Variants in NAMPT observed in about 807,000 individuals in gnomAD.
NAMPT encodes NAmPRTase.
A neutral mutation model predicts 58.7 loss-of-function variants in NAMPT; 7 were observed. That is an observed-to-expected ratio of 0.12 (90% CI 0.07 to 0.22). The LOEUF (loss-of-function observed/expected upper bound fraction) is 0.22, where lower values mean the gene tolerates loss of function less well. NAMPT is among the 10% of genes least tolerant of loss of function. The pLI is 1.00. For missense variants in NAMPT, 271 were observed against 567.9 expected, an observed-to-expected ratio of 0.48 and a Z score of 5.31; for synonymous variants, 145 against 198.1, an observed-to-expected ratio of 0.73 and a Z score of 2.25.
intron 5 of NAMPT, 80 bp downstream of exon 5, chr7:106,269,074 A>G (rs988338398): frequency 1.1e-5 from 15 of 1,343,896 alleles, no homozygotes; most frequent in Admixed American, 9.1e-5. Flanking sequence ...ATCAATCTCA[A>G]TAACGTCCCC....
upstream of NAMPT, chr7:106,285,024 AG>A: frequency 4.4e-6 from 6 of 1,355,630 alleles, no homozygotes. Flanking sequence ...AAACGGAGAG[AG>A]GGGAGGGGTC....
At chr7:106,277,395 T>C (rs889824527) in intron 1 of NAMPT, among the ~76,000 whole-genome samples, 1 of 152,204 alleles carries the variant, frequency 6.6e-6, no homozygotes, top group Admixed American at 6.5e-5. Context: ...AAATTTTACA[T>C]ACAAGCACAC....
chr7:106,284,730 CAGCCCCAACCCCAGCCCCAGCCG>C, intron 1 of NAMPT, 75 bp downstream of exon 1: 2 of 781,030 alleles, frequency 2.6e-6, no homozygotes, highest in Non-Finnish European at 3.4e-6. Flanking sequence ...GCCCCAGCCC[CAGCCCCAACCCCAGCCCCAGCCG>C]CCCCCGCCCC....
chr7:106,262,098 T>C (rs552294089), intron 7 of NAMPT, among the ~76,000 whole-genome samples: 2 of 152,222 alleles, frequency 1.3e-5, no homozygotes, highest in African/African-American at 4.8e-5. Context: ...ATTCTGCTTG[T>C]GCCCAATGAC....
Position 106,284,949 on chromosome 7 carries a change from A to G in NAMPT, c.-65T>C. The G allele has an allele frequency of 1.9e-6, 3 of 1,546,774 alleles. No individual in the cohort carries two copies. In the South Asian group the frequency reaches 3.6e-5, roughly 18 times the overall value. The stretch of plus-strand genomic sequence containing the variant: ...TGGCGCGGCTGCGAGGAAGGAGAAA[A>G]ATGAGCTTCACCGCGCTCCGTTGCT... On this transcript the variant is annotated 5_prime_UTR_variant, in exon 1 of 11. Coordinates refer to ENST00000222553, the MANE Select transcript of NAMPT (RefSeq NM_005746.3).
intron 3 of NAMPT, 78 bp from the exon 4 acceptor site, chr7:106,272,736 C>T (rs1792559921): frequency 1.1e-5 from 16 of 1,504,908 alleles, no homozygotes; most frequent in Admixed American, 9.2e-5. Context: ...AGGTTCTTTA[C>T]GTTTTATAGA....
chr7:106,261,372 T>C, intron 8 of NAMPT: 1 of 421,498 alleles, frequency 2.4e-6, no homozygotes, highest in Non-Finnish European at 4.3e-6. Context: ...TCATTCAGGG[T>C]GGCCAATGAC....
chr7:106,271,223 T>C (rs937636669), intron 4 of NAMPT, among the ~76,000 whole-genome samples: 29 of 152,218 alleles, frequency 1.9e-4, no homozygotes, highest in African/African-American at 5.8e-4. Flanking sequence ...GTTTATCTTA[T>C]ACATTTTTCA....
chr7:106,258,405 A>C (rs1411397846), intron 8 of NAMPT, among the ~76,000 whole-genome samples: 1 of 152,248 alleles, frequency 6.6e-6, no homozygotes. Context: ...TCATAGCTGT[A>C]GATACCATCT....
In NAMPT at chr7:106,250,380, A is replaced by C. The variant is rs181023306; in HGVS notation, c.*703T>G. On this transcript the variant is annotated 3_prime_UTR_variant, in exon 11 of 11. Coordinates refer to ENST00000222553, the MANE Select transcript of NAMPT (RefSeq NM_005746.3). ...TCAAATTTGGCATTTCACTGGTACA[A>C]TACAACAACCAAGATATATAATAAC... The C allele has an allele frequency of 1.5e-3, 228 of 152,642 alleles. 1 individual carries two copies. The highest frequency in any genetic ancestry group is 5.3e-3 in the African/African-American group (221 of 41,550). 9.5% of individuals were successfully genotyped at this position (152,642 alleles called of 1,614,324 possible).
intron 6 of NAMPT, among the ~76,000 whole-genome samples, chr7:106,265,567 TAAAAAAAAAA>T (rs35685666): frequency 8.6e-6 from 1 of 116,458 alleles, no homozygotes; most frequent in Non-Finnish European, 1.8e-5. Flanking sequence ...CTCAAAAGCT[TAAAAAAAAAA>T]AAAAAAAAAA....
At chr7:106,259,658 C>A (rs113263823) in intron 8 of NAMPT, among the ~76,000 whole-genome samples, 5,732 of 152,142 alleles carry the variant, frequency 0.038, 128 homozygotes, top group Middle Eastern at 0.12. Flanking sequence ...CTCCTGATTG[C>A]GTGATCTGCC....
intron 4 of NAMPT, among the ~76,000 whole-genome samples, chr7:106,271,403 T>G (rs1281238639): frequency 6.6e-6 from 1 of 152,166 alleles, no homozygotes; most frequent in Non-Finnish European, 1.5e-5. Flanking sequence ...TTAATGATAT[T>G]AGTGGTTAGT....
chr7:106,265,652 C>T (rs749806432), intron 6 of NAMPT, among the ~76,000 whole-genome samples: 5 of 150,214 alleles, frequency 3.3e-5, no homozygotes. Flanking sequence ...GGCTCTGGAT[C>T]TACTTTGTTA....
In NAMPT at chr7:106,250,070, T is replaced by TA. The variant is rs778634505; in HGVS notation, c.*1012dup. 4 of 152,352 alleles carry TA rather than the reference T, an allele frequency of 2.6e-5. No individual in the cohort carries two copies. Among genetic ancestry groups the TA allele is most frequent in the African/African-American group, 4.8e-5 (2 of 41,436 alleles). 9.4% of individuals were successfully genotyped at this position (152,352 alleles called of 1,614,324 possible). On this transcript the variant is annotated 3_prime_UTR_variant, in exon 11 of 11. Transcript: ENST00000222553. Reference sequence around the variant, plus strand: ...CAATTTAATATCCAATTTAATTTTTTAAAAACTTAATAAAAAATATAACAG... The same window carrying TA: ...CAATTTAATATCCAATTTAATTTTTTAAAAAACTTAATAAAAAATATAACAG...
intron 3 of NAMPT, 114 bp downstream of exon 3, chr7:106,274,832 G>GTGAC (rs1179192981): frequency 9.0e-6 from 6 of 666,442 alleles, no homozygotes; most frequent in Non-Finnish European, 1.0e-5. Flanking sequence ...TCCAGCCTGG[G>GTGAC]TGACAGAGTG....
chr7:106,279,426 T>C (rs978239291), intron 1 of NAMPT, among the ~76,000 whole-genome samples: 8 of 104,290 alleles, frequency 7.7e-5, no homozygotes, highest in African/African-American at 1.5e-4. Context: ...GGTCTACTTA[T>C]AGGGGTATAT....
intron 4 of NAMPT, chr7:106,270,381 A>C (rs2115790685): frequency 3.4e-6 from 1 of 293,926 alleles, no homozygotes; most frequent in African/African-American, 2.3e-5. Context: ...GCTTTTACTG[A>C]ATACCAGCTA....
chr7:106,267,742 G>C (rs1792442724), intron 6 of NAMPT, among the ~76,000 whole-genome samples: 1 of 145,452 alleles, frequency 6.9e-6, no homozygotes, highest in African/African-American at 2.5e-5. Context: ...TTGGGAGGCT[G>C]AGGCAGGAGA....
Sources: gnomAD v4.1 joint callset for allele counts (sites outside exome capture counted in the v4.1 genomes callset) on GRCh38, gnomAD v4.1.1 for gene constraint, MANE v1.5 for transcripts, NCBI Gene and HGNC (gene_info 2026-07-23, HGNC 2026-07-21) for gene names.